The following CDK12 variants were observed in gnomAD, a reference collection of about 807,000 sequenced individuals.
CDK12 encodes cyclin dependent kinase 12.
A neutral mutation model predicts 133.8 loss-of-function variants in CDK12; 17 were observed. The observed-to-expected ratio is 0.13, with a 90% CI of 0.09 to 0.19. The LOEUF is 0.19. Among genes scored for constraint, CDK12 ranks in the 10% least tolerant of loss-of-function variants. The probability of loss-of-function intolerance (pLI) is 1.00; values close to 1 mark genes in which losing one functional copy is unlikely to be tolerated. For synonymous variants in CDK12, 694 were observed against 683.6 expected, an observed-to-expected ratio of 1.02 and a Z score of -0.24; for missense variants, 1,508 against 1,818.7, an observed-to-expected ratio of 0.83 and a Z score of 3.11.
At chr17:39,546,542 C>T (rs2055717697), upstream of CDK12, 1 of 152,186 alleles carries the variant, frequency 6.6e-6, no homozygotes, top group Non-Finnish European at 1.5e-5. Flanking sequence ...TTTTCTATTT[C>T]TTTCTTCTCA....
chr17:39,537,508 T>A (rs2143554997), downstream of CDK12, among the ~76,000 whole-genome samples: 1 of 152,138 alleles, frequency 6.6e-6, no homozygotes, highest in East Asian at 1.9e-4. Flanking sequence ...GTCTGGTAGC[T>A]GGGCTGCAGA....
intron 1 of CDK12, among the ~76,000 whole-genome samples, chr17:39,463,432 C>T (rs1372712634): frequency 6.6e-6 from 1 of 152,164 alleles, no homozygotes; most frequent in African/African-American, 2.4e-5. Flanking sequence ...CAGAGCATGT[C>T]TAGCTATTTC....
chr17:39,485,681 G>C (rs1598003687), intron 2 of CDK12, among the ~76,000 whole-genome samples: 1 of 151,724 alleles, frequency 6.6e-6, no homozygotes, highest in East Asian at 1.9e-4. Context: ...TAAAGTGCTG[G>C]GATTATAGGC....
At chr17:39,509,601 T>C in intron 6 of CDK12, 104 bp from the exon 7 acceptor site, 1 of 774,168 alleles carries the variant, frequency 1.3e-6, no homozygotes, top group Non-Finnish European at 2.2e-6. Flanking sequence ...AAGTTAAAAT[T>C]TATTTTTGTA....
upstream of CDK12, chr17:39,546,490 T>A (rs2055714047): frequency 6.6e-6 from 1 of 152,208 alleles, no homozygotes; most frequent in Non-Finnish European, 1.5e-5. Context: ...GACCTCCAAT[T>A]TTTTTAGTAT....
At chr17:39,482,305 C>T (rs1418927543) in intron 2 of CDK12, among the ~76,000 whole-genome samples, 1 of 152,058 alleles carries the variant, frequency 6.6e-6, no homozygotes, top group Non-Finnish European at 1.5e-5. Flanking sequence ...AGCTACCGCA[C>T]CTGGCCTTGC....
chr17:39,517,311 C>T (rs2053875267), intron 9 of CDK12, 129 bp from the exon 10 acceptor site: 2 of 646,252 alleles, frequency 3.1e-6, no homozygotes, highest in Admixed American at 2.6e-5. Flanking sequence ...TTCCTTTCTG[C>T]ATGCCCTGTA....
rs530208409 is a variant in CDK12, at chr17:39,463,474, A to G, written c.1046+357A>G. ...TTAGTTTTATATTTTTAAAAATCAC[A>G]TTGGTATTTGTGCTTTAGACTCTAT... On this transcript the variant is annotated intron_variant, in intron 1 of 13. Coordinates refer to ENST00000447079, the MANE Select transcript of CDK12 (RefSeq NM_016507.4). Among the ~76,000 whole-genome samples the G allele has an allele frequency of 3.3e-5, 5 of 152,204 alleles. No homozygotes were observed. In the East Asian group the frequency reaches 7.7e-4, roughly 24 times the overall value.
intron 6 of CDK12, 120 bp from the exon 7 acceptor site, chr17:39,509,585 G>A: frequency 1.4e-6 from 1 of 698,182 alleles, no homozygotes; most frequent in Admixed American, 2.4e-5. Flanking sequence ...AGAACAAAGA[G>A]AGCAGAAGTT....
In CDK12 at chr17:39,511,541, A is replaced by G. The variant is rs2053508115; in HGVS notation, c.2679A>G (p.Thr893=). The G allele has an allele frequency of 6.2e-7, 1 of 1,607,236 alleles. No individual in the cohort carries two copies. The highest frequency in any genetic ancestry group is 1.3e-5 in the African/African-American group (1 of 74,798). Residue 893 remains threonine, a synonymous_variant, in exon 8 of 14, where the codon ACA becomes ACG. Coordinates refer to ENST00000447079, the MANE Select transcript of CDK12 (RefSeq NM_016507.4). The stretch of plus-strand genomic sequence containing the variant: ...TTTTATATTTCAGTCGCCCTTACAC[A>G]AACAAAGTCATTACTTTGTGGTACC... ...LYNSEESRPY[T]NKVITLWYRP...
At chr17:39,482,043 G>A (rs145915418) in intron 2 of CDK12, among the ~76,000 whole-genome samples, 7,736 of 39,782 alleles carry the variant, frequency 0.19, 253 homozygotes, top group Middle Eastern at 0.37. Context: ...ACAGAGTTTC[G>A]CTTTTTTTAG....
chr17:39,470,026 C>T (rs548359951), intron 1 of CDK12, among the ~76,000 whole-genome samples: 60 of 151,862 alleles, frequency 4.0e-4, no homozygotes, highest in African/African-American at 1.4e-3. Context: ...TGTTTCTTTT[C>T]CAATGTGGGA....
chr17:39,512,833 G>GTC (rs1227700654), intron 8 of CDK12, among the ~76,000 whole-genome samples: 1 of 152,124 alleles, frequency 6.6e-6, no homozygotes, highest in Non-Finnish European at 1.5e-5. Flanking sequence ...TAGTTTCCTA[G>GTC]TATCCTTCAA....
chr17:39,494,796 G>A, intron 5 of CDK12, 102 bp downstream of exon 5: 6 of 855,588 alleles, frequency 7.0e-6, no homozygotes, highest in Non-Finnish European at 1.0e-5. Flanking sequence ...TTGAGACGGA[G>A]TCTTGCTCTG....
intron 10 of CDK12, among the ~76,000 whole-genome samples, chr17:39,518,137 C>T (rs113381315): frequency 0.029 from 4,481 of 152,152 alleles, 99 homozygotes; most frequent in African/African-American, 0.06. Context: ...TGCCACTGCA[C>T]CCAGCTAATT....
At chr17:39,515,613 AT>A (rs1443269805) in intron 8 of CDK12, 117 bp from the exon 9 acceptor site, 17 of 622,740 alleles carry the variant, frequency 2.7e-5, no homozygotes, top group East Asian at 1.4e-4. Flanking sequence ...AGACACTGAA[AT>A]TTGGGGCTAT....
In CDK12 at chr17:39,531,480, T is replaced by C; in HGVS notation, c.*164T>C. The C allele has an allele frequency of 1.7e-6, 1 of 586,218 alleles. No homozygotes were observed. The highest frequency in any genetic ancestry group is 2.6e-6 in the Non-Finnish European group (1 of 380,112). The allele number at this position is 586,218 out of a possible 1,614,324, so 36.3% of individuals were successfully genotyped here. Reference sequence around the variant, plus strand: ...TGCTCACTTGCTACTAGCAGGCGACTTACGAAATAATGATGTTGGCACCAG... The same window carrying C: ...TGCTCACTTGCTACTAGCAGGCGACCTACGAAATAATGATGTTGGCACCAG... On this transcript the variant is annotated 3_prime_UTR_variant, in exon 14 of 14. Transcript: ENST00000447079.
intron 12 of CDK12, among the ~76,000 whole-genome samples, chr17:39,525,494 T>TA (rs547541166): frequency 7.1e-4 from 108 of 152,302 alleles, no homozygotes; most frequent in Non-Finnish European, 1.4e-3. Flanking sequence ...TAAAAACAAA[T>TA]ATGCCTATAC....
intron 5 of CDK12, among the ~76,000 whole-genome samples, chr17:39,496,957 G>A (rs1013732874): frequency 8.5e-6 from 1 of 117,132 alleles, no homozygotes; most frequent in Non-Finnish European, 1.6e-5. Flanking sequence ...TTGAGAAGGA[G>A]TCTCACTCTG....
Sources: allele counts gnomAD v4.1 joint callset (sites outside exome capture counted in the v4.1 genomes callset), GRCh38; gene constraint gnomAD v4.1.1; transcripts MANE v1.5; gene names NCBI Gene and HGNC (gene_info 2026-07-23, HGNC 2026-07-21).